Variants in SUV39H2 observed in about 807,000 individuals in gnomAD.
SUV39H2 encodes SUV39H2 histone lysine methyltransferase, also known as histone-lysine N-methyltransferase SUV39H2.
Under a neutral mutation model 47.5 loss-of-function variants are expected in SUV39H2, and 10 were observed. That is an observed-to-expected ratio of 0.21 (90% CI 0.13 to 0.36). The LOEUF is 0.36. Among genes scored for constraint, SUV39H2 ranks in the 10% least tolerant of loss-of-function variants. The pLI, the probability that SUV39H2 is intolerant of heterozygous loss-of-function variation, is 1.00. For missense variants in SUV39H2, 266 were observed against 487.4 expected (o/e 0.55, Z 4.28); for synonymous variants, 159 against 166.8 (o/e 0.95, Z 0.36).
chr10:14,896,297 T>C (rs1564341438), intron 2 of SUV39H2, among the ~76,000 whole-genome samples: 1 of 152,156 alleles, frequency 6.6e-6, no homozygotes, highest in Non-Finnish European at 1.5e-5. Flanking sequence ...ACATTTCAAG[T>C]TTTCAGTAGC....
Position 14,881,576 on chromosome 10 carries a change from G to T in SUV39H2, c.108G>T (p.Ser36=), listed in dbSNP as rs369200305. The T allele has an allele frequency of 1.9e-6, 3 of 1,604,744 alleles. No homozygotes were observed. The highest frequency in any genetic ancestry group is 1.3e-5 in the African/African-American group (1 of 74,536). The part of the protein sequence containing the change: ...LCRKEKLTCK[S]IGITKRNLNN... ...GAAAAGAAAAGCTCACATGTAAATC[G>T]ATTGGAATCACCAAAAGGAATCTAA... Residue 36 remains serine (S), a synonymous_variant, in exon 2 of 6, where the codon TCG becomes TCT. Coordinates refer to ENST00000354919, the MANE Select transcript of SUV39H2 (RefSeq NM_001193424.2).
intron 2 of SUV39H2, among the ~76,000 whole-genome samples, chr10:14,890,678 T>A (rs1833359548): frequency 6.6e-6 from 1 of 152,222 alleles, no homozygotes; most frequent in African/African-American, 2.4e-5. Flanking sequence ...TGCAGGTTAT[T>A]TTAACACTGA....
intron 1 of SUV39H2, chr10:14,879,125 G>C: frequency 2.4e-6 from 3 of 1,267,874 alleles, no homozygotes; most frequent in Non-Finnish European, 3.0e-6. Flanking sequence ...TCCCGCCGCG[G>C]AGGTGGGCAC....
In SUV39H2 at chr10:14,897,084, G is replaced by C; in HGVS notation, c.416G>C (p.Arg139Thr). ...GCTAAACAAAGGATAGCTCTGCAGA[G>C]ATGGCAAGATGAACTCAACAGAAGA... Reference protein sequence around the residue: ...KKAKQRIALQRWQDELNRRKN... With the variant: ...KKAKQRIALQTWQDELNRRKN... The change falls in exon 3 of 6, where the codon AGA becomes ACA. Residue 139 changes from arginine to threonine, a missense_variant. Arg to Thr is a moderately conservative substitution (Grantham distance 71). Around this residue, in one of 4 missense-constraint regions of SUV39H2, gnomAD observed 91 missense variants for 110.9 expected, o/e 0.82. Coordinates refer to ENST00000354919, the MANE Select transcript of SUV39H2 (RefSeq NM_001193424.2). The C allele has an allele frequency of 1.2e-6, 2 of 1,614,018 alleles. No homozygotes were observed. Among genetic ancestry groups the C allele is most frequent in the Non-Finnish European group, 1.7e-6 (2 of 1,179,968 alleles).
chr10:14,894,728 T>G (rs1564340316), intron 2 of SUV39H2, among the ~76,000 whole-genome samples: 1 of 152,140 alleles, frequency 6.6e-6, no homozygotes, highest in Non-Finnish European at 1.5e-5. Context: ...AACAAAATAT[T>G]AAGATGCAGA....
At chr10:14,888,635 A>C (rs899869384) in intron 2 of SUV39H2, among the ~76,000 whole-genome samples, 34 of 145,508 alleles carry the variant, frequency 2.3e-4, no homozygotes, top group Non-Finnish European at 3.2e-4. Flanking sequence ...ACTCGGTCTC[A>C]AAAAAAAAAA....
chr10:14,881,326 A>G (rs1200323186), intron 1 of SUV39H2, among the ~76,000 whole-genome samples, 174 bp from the exon 2 acceptor site: 1 of 152,226 alleles, frequency 6.6e-6, no homozygotes, highest in African/African-American at 2.4e-5. Context: ...ATTTAACAAA[A>G]TAGTTCCTTA....
intron 2 of SUV39H2, among the ~76,000 whole-genome samples, chr10:14,896,443 A>G (rs1204848526): frequency 6.6e-6 from 1 of 152,178 alleles, no homozygotes; most frequent in African/African-American, 2.4e-5. Context: ...GAATGCCTGA[A>G]TCTATTGCTG....
intron 2 of SUV39H2, among the ~76,000 whole-genome samples, chr10:14,895,240 A>C (rs1364471318): frequency 6.6e-6 from 1 of 151,076 alleles, no homozygotes; most frequent in Non-Finnish European, 1.5e-5. Context: ...GCAGTGGCAC[A>C]GTCTTGGCTC....
At position 14,899,703 on chromosome 10, in the gene SUV39H2, A is replaced by C. The variant is rs1833861109; in HGVS notation, c.996+18A>C. ...ATCACAGCGTAAGAAGACATACGTA[A>C]ATTTTAGACACGACTAACAATTCAA... On this transcript the variant is annotated intron_variant, in intron 4 of 5. Coordinates refer to ENST00000354919, the MANE Select transcript of SUV39H2 (RefSeq NM_001193424.2). 1 of 1,612,138 alleles carries C rather than the reference A, an allele frequency of 6.2e-7. No homozygotes were observed. The highest frequency in any genetic ancestry group is 8.5e-7 in the Non-Finnish European group (1 of 1,179,024).
At chr10:14,900,049 G>A (rs75914702) in intron 4 of SUV39H2, among the ~76,000 whole-genome samples, 25 of 152,132 alleles carry the variant, frequency 1.6e-4, no homozygotes, top group African/African-American at 5.1e-4. Context: ...AAGTTAACAC[G>A]ACTACATTTT....
intron 2 of SUV39H2, among the ~76,000 whole-genome samples, chr10:14,883,134 T>C (rs1423191649): frequency 6.6e-6 from 1 of 152,110 alleles, no homozygotes; most frequent in African/African-American, 2.4e-5. Context: ...CCCAAAGTGC[T>C]GGGATTACAG....
At chr10:14,896,564 G>A (rs1388638903) in intron 2 of SUV39H2, among the ~76,000 whole-genome samples, 1 of 152,128 alleles carries the variant, frequency 6.6e-6, no homozygotes, top group Non-Finnish European at 1.5e-5. Flanking sequence ...TAGTAACATA[G>A]TCATCAGTTT....
chr10:14,897,289 A>G lies in SUV39H2; in HGVS notation c.621A>G (p.Gly207=), dbSNP rs760162631. 24 of 1,613,662 alleles carry G rather than the reference A, an allele frequency of 1.5e-5. No homozygotes were observed. Among genetic ancestry groups the G allele is most frequent in the African/African-American group, 8.0e-5 (6 of 74,930 alleles). Residue 207 remains glycine (G), a synonymous_variant, in exon 3 of 6, where the codon GGA becomes GGG. Coordinates refer to ENST00000354919, the MANE Select transcript of SUV39H2 (RefSeq NM_001193424.2). ...FFQKCCPAEA[G]VLLAYNKNQQ... Reference sequence around the variant, plus strand: ...AAAAATGTTGTCCTGCTGAAGCTGGAGTTCTTTTGGCTTATAATAAAAACC... The same window carrying G: ...AAAAATGTTGTCCTGCTGAAGCTGGGGTTCTTTTGGCTTATAATAAAAACC...
Position 14,883,704 on chromosome 10 carries a change from C to CAAAAAAAAAAAAA in SUV39H2, c.177+2075_177+2087dup, listed in dbSNP as rs58522342. Among the ~76,000 whole-genome samples the CAAAAAAAAAAAAA allele has an allele frequency of 7.4e-4, 37 of 50,050 alleles. 1 individual carries two copies. Among genetic ancestry groups the CAAAAAAAAAAAAA allele is most frequent in the Admixed American group, 1.9e-3 (7 of 3,674 alleles). The allele number at this position is 50,050 out of a possible 152,430, so 32.8% of individuals were successfully genotyped here. On this transcript the variant is annotated intron_variant, in intron 2 of 5. Coordinates refer to ENST00000354919, the MANE Select transcript of SUV39H2 (RefSeq NM_001193424.2). ...TGGGCAACAGAGCGAGACTCAGTCT[C>CAAAAAAAAAAAAA]AAAAAAAAAAAAAAAAAAAAAAAAA...
At chr10:14,883,984 C>T (rs1279281090) in intron 2 of SUV39H2, among the ~76,000 whole-genome samples, 1 of 152,164 alleles carries the variant, frequency 6.6e-6, no homozygotes, top group Non-Finnish European at 1.5e-5. Flanking sequence ...TTTCAGGGTT[C>T]ATTCATGTTG....
intron 2 of SUV39H2, among the ~76,000 whole-genome samples, chr10:14,882,813 TC>T (rs2131670620): frequency 6.6e-6 from 1 of 151,902 alleles, no homozygotes; most frequent in East Asian, 1.9e-4. Context: ...TATTCTTACT[TC>T]CAGAGGTGTC....
chr10:14,902,185 CAAG>C (rs1834073025), intron 5 of SUV39H2, among the ~76,000 whole-genome samples: 1 of 152,176 alleles, frequency 6.6e-6, no homozygotes, highest in South Asian at 2.1e-4. Context: ...ACCATCCTTT[CAAG>C]ACAATTCATT....
At chr10:14,889,898 C>G (rs1040946290) in intron 2 of SUV39H2, among the ~76,000 whole-genome samples, 3 of 152,136 alleles carry the variant, frequency 2.0e-5, no homozygotes, top group African/African-American at 7.2e-5. Flanking sequence ...CCCCTTCATA[C>G]AGAATAATTT....
Sources: allele counts gnomAD v4.1 joint callset (sites outside exome capture counted in the v4.1 genomes callset), GRCh38; gene constraint gnomAD v4.1.1; regional missense constraint gnomAD v4.1.1; transcripts MANE v1.5; gene names NCBI Gene and HGNC (gene_info 2026-07-23, HGNC 2026-07-21).